Variants in SIPA1L3 observed in about 807,000 individuals in gnomAD.
The protein encoded by SIPA1L3 is signal induced proliferation associated 1 like 3.
Under a neutral mutation model 150.1 loss-of-function variants are expected in SIPA1L3, and 59 were observed. The ratio of observed to expected loss-of-function variants is 0.39; its 90% CI spans 0.32 to 0.49. The LOEUF (loss-of-function observed/expected upper bound fraction) is 0.49, where lower values mean the gene tolerates loss of function less well. Among genes scored for constraint, SIPA1L3 ranks in the 20% least tolerant of loss-of-function variants. The probability of loss-of-function intolerance (pLI) is 0.86; values close to 1 mark genes in which losing one functional copy is unlikely to be tolerated. For missense variants in SIPA1L3, 2,211 were observed against 2,489.5 expected, an observed-to-expected ratio of 0.89 and a Z score of 2.38; for synonymous variants, 1,070 against 1,077.6, an observed-to-expected ratio of 0.99 and a Z score of 0.14.
chr19:38,161,458 C>A (rs1972086308), intron 13 of SIPA1L3, among the ~76,000 whole-genome samples: 1 of 151,710 alleles, frequency 6.6e-6, no homozygotes, highest in South Asian at 2.1e-4. Flanking sequence ...GGTGCGGTAG[C>A]TCACACCTGT....
intron 1 of SIPA1L3, among the ~76,000 whole-genome samples, chr19:37,996,130 A>G (rs833902): frequency 0.75 from 113,423 of 152,056 alleles, 42,555 homozygotes; most frequent in East Asian, 0.95. Flanking sequence ...GTCTCACTAC[A>G]TTGCCAGGGC....
In SIPA1L3 at chr19:37,912,159, C is replaced by T. The variant is rs150086879; in HGVS notation, c.-379+4801C>T. Among the ~76,000 whole-genome samples the T allele has an allele frequency of 5.5e-3, 829 of 152,078 alleles. 7 individuals are homozygous for T. Among genetic ancestry groups the T allele is most frequent in the African/African-American group, 0.019 (778 of 41,488 alleles). ...GGCTGAGGCAGGAGAATTGCTTGAA[C>T]CAGGGAGGTGGAGGGTGCAGTGAGC... On this transcript the variant is annotated intron_variant, in intron 1 of 21. Coordinates refer to ENST00000222345, the MANE Select transcript of SIPA1L3 (RefSeq NM_015073.3).
intron 1 of SIPA1L3, among the ~76,000 whole-genome samples, chr19:37,995,588 T>A (rs1421872699): frequency 6.6e-6 from 1 of 152,064 alleles, no homozygotes; most frequent in Non-Finnish European, 1.5e-5. Flanking sequence ...AGAGGGGTGG[T>A]TGGGCTGGCC....
intron 2 of SIPA1L3, among the ~76,000 whole-genome samples, chr19:38,063,483 C>A (rs1314692294): frequency 6.6e-6 from 1 of 152,224 alleles, no homozygotes. Context: ...CAAGGATTCC[C>A]TGGCTCTATT....
chr19:37,984,484 A>G (rs1967294314), intron 1 of SIPA1L3, among the ~76,000 whole-genome samples: 1 of 152,156 alleles, frequency 6.6e-6, no homozygotes. Flanking sequence ...GAAATCCCCC[A>G]GATAGATTAT....
At chr19:38,166,000 G>A (rs1972200477) in intron 15 of SIPA1L3, among the ~76,000 whole-genome samples, 1 of 151,990 alleles carries the variant, frequency 6.6e-6, no homozygotes, top group South Asian at 2.1e-4. Flanking sequence ...TGACCTAAAG[G>A]GATCCTCCCA....
intron 1 of SIPA1L3, among the ~76,000 whole-genome samples, chr19:37,926,996 A>C (rs2145492308): frequency 6.6e-6 from 1 of 152,186 alleles, no homozygotes; most frequent in South Asian, 2.1e-4. Context: ...CAGCTAAAAA[A>C]AGGTGGTGGC....
At chr19:37,972,840 G>A (rs1599855519) in intron 1 of SIPA1L3, among the ~76,000 whole-genome samples, 1 of 152,290 alleles carries the variant, frequency 6.6e-6, no homozygotes, top group South Asian at 2.1e-4. Flanking sequence ...AGAGATTAGT[G>A]AAAATAAAGA....
chr19:38,157,574 CGGCTGCCCAGA>C (rs1568581856), intron 13 of SIPA1L3, among the ~76,000 whole-genome samples: 1 of 152,156 alleles, frequency 6.6e-6, no homozygotes, highest in Admixed American at 6.5e-5. Flanking sequence ...CCATGGTCAC[CGGCTGCCCAGA>C]GACTGTGCCT....
intron 1 of SIPA1L3, among the ~76,000 whole-genome samples, chr19:37,948,313 A>G (rs2046730766): frequency 6.6e-6 from 1 of 152,218 alleles, no homozygotes; most frequent in African/African-American, 2.4e-5. Context: ...AAAAAATACA[A>G]AAATTGGCTG....
At chr19:37,931,342 G>C (rs1252994368) in intron 1 of SIPA1L3, among the ~76,000 whole-genome samples, 5 of 151,556 alleles carry the variant, frequency 3.3e-5, no homozygotes, top group African/African-American at 1.2e-4. Context: ...TGAGACCCTT[G>C]TCTCTACAAA....
At chr19:38,118,600 C>G (rs996401392) in intron 8 of SIPA1L3, among the ~76,000 whole-genome samples, 7 of 151,762 alleles carry the variant, frequency 4.6e-5, no homozygotes, top group Non-Finnish European at 1.0e-4. Context: ...GTGGCGCCAT[C>G]TTGGCTCACT....
chr19:37,981,422 C>CAAAA (rs774199467), intron 1 of SIPA1L3, among the ~76,000 whole-genome samples: 4 of 72,538 alleles, frequency 5.5e-5, no homozygotes, highest in Non-Finnish European at 1.1e-4. Context: ...GACCCTGTCT[C>CAAAA]AAAAAAAAAA....
At chr19:37,973,864 A>G (rs1275128255) in intron 1 of SIPA1L3, among the ~76,000 whole-genome samples, 2 of 152,070 alleles carry the variant, frequency 1.3e-5, no homozygotes, top group Non-Finnish European at 2.9e-5. Flanking sequence ...CTGGATGGTG[A>G]TGCTATATTG....
chr19:38,093,034 T>C (rs908852438), intron 4 of SIPA1L3, among the ~76,000 whole-genome samples: 3 of 151,928 alleles, frequency 2.0e-5, no homozygotes, highest in African/African-American at 7.3e-5. Flanking sequence ...TAATTTTTTG[T>C]ATTTTTAGTA....
intron 1 of SIPA1L3, among the ~76,000 whole-genome samples, chr19:38,022,302 C>T (rs1037230294): frequency 6.6e-6 from 1 of 152,222 alleles, no homozygotes; most frequent in Non-Finnish European, 1.5e-5. Context: ...GTGGCATGCA[C>T]CAGTAGTCCC....
chr19:38,078,277 C>T (rs1969892981), intron 2 of SIPA1L3, among the ~76,000 whole-genome samples: 1 of 152,218 alleles, frequency 6.6e-6, no homozygotes, highest in Non-Finnish European at 1.5e-5. Context: ...TTGCTCCCCA[C>T]TCTCCACCTG....
At chr19:38,058,341 C>T (rs1169261676) in intron 2 of SIPA1L3, among the ~76,000 whole-genome samples, 1 of 152,164 alleles carries the variant, frequency 6.6e-6, no homozygotes, top group African/African-American at 2.4e-5. Flanking sequence ...CTGGAGTGCT[C>T]ATTCCTAACA....
intron 2 of SIPA1L3, among the ~76,000 whole-genome samples, chr19:38,068,437 C>T (rs1969645851): frequency 6.6e-6 from 1 of 152,194 alleles, no homozygotes; most frequent in Admixed American, 6.6e-5. Flanking sequence ...CGTATTCCCA[C>T]AGCACACTCA....
Sources: gnomAD v4.1 joint callset for allele counts (sites outside exome capture counted in the v4.1 genomes callset) on GRCh38, gnomAD v4.1.1 for gene constraint, MANE v1.5 for transcripts, NCBI Gene and HGNC (gene_info 2026-07-23, HGNC 2026-07-21) for gene names.